PTPRG: variants seen among roughly 807,000 people sequenced by gnomAD.
PTPRG encodes protein tyrosine phosphatase receptor type G.
PTPRG carries 102 observed loss-of-function variants against 165.3 expected under a neutral mutation model. The observed-to-expected ratio is 0.62, with a 90% CI of 0.53 to 0.73. The LOEUF (loss-of-function observed/expected upper bound fraction) is 0.73. PTPRG is among the 30% of genes least tolerant of loss of function. PTPRG has a pLI of 0.00. For synonymous variants in PTPRG, 675 were observed against 669.5 expected (o/e 1.01, Z -0.13); for missense variants, 1,866 against 1,861.4 (o/e 1.00, Z -0.05).
At chr3:61,865,933 G>C (rs2037393937) in intron 2 of PTPRG, among the ~76,000 whole-genome samples, 1 of 152,174 alleles carries the variant, frequency 6.6e-6, no homozygotes, top group Non-Finnish European at 1.5e-5. Context: ...ATAGGCTGTT[G>C]CCACAAGTCT....
At chr3:62,003,312 C>G in intron 3 of PTPRG, 37 bp from the exon 4 acceptor site, 4 of 1,584,148 alleles carry the variant, frequency 2.5e-6, no homozygotes, top group South Asian at 1.2e-5. Flanking sequence ...TTTTGAAACT[C>G]ACTTTGTTTT....
chr3:61,665,469 T>TACACACACACACACACACACACAC (rs10662394), intron 1 of PTPRG, among the ~76,000 whole-genome samples: 1 of 143,922 alleles, frequency 6.9e-6, no homozygotes, highest in African/African-American at 2.6e-5. Context: ...TGTAAATAAA[T>TACACACACACACACACACACACAC]ACACACACAC....
rs114017935 is a variant in PTPRG at position 62,009,256 on chromosome 3, T to A, written c.519+5759T>A. Among the ~76,000 whole-genome samples the A allele has an allele frequency of 6.8e-3, 1,035 of 152,242 alleles. 19 individuals carry two copies. Among genetic ancestry groups the A allele is most frequent in the African/African-American group, 0.024 (990 of 41,530 alleles). On this transcript the variant is annotated intron_variant, in intron 4 of 29. Coordinates refer to ENST00000474889, the MANE Select transcript of PTPRG (RefSeq NM_002841.4). The stretch of plus-strand genomic sequence containing the variant: ...TAGTTACAACCATGACACAAGCAGG[T>A]TAAATCATGTGTCTCCCTGTGGGGT...
chr3:61,951,786 C>A (rs2039904854), intron 2 of PTPRG, among the ~76,000 whole-genome samples: 1 of 152,148 alleles, frequency 6.6e-6, no homozygotes, highest in South Asian at 2.1e-4. Context: ...GTGCTCTTTT[C>A]TGACTGGTAT....
chr3:61,836,567 A>G (rs1442336223), intron 2 of PTPRG, among the ~76,000 whole-genome samples: 2 of 152,202 alleles, frequency 1.3e-5, no homozygotes, highest in Non-Finnish European at 2.9e-5. Flanking sequence ...CCTCTCAGAC[A>G]TTATTGACAT....
At chr3:62,059,696 A>G (rs1043779074) in intron 4 of PTPRG, among the ~76,000 whole-genome samples, 1 of 152,032 alleles carries the variant, frequency 6.6e-6, no homozygotes, top group Non-Finnish European at 1.5e-5. Flanking sequence ...CCCCACCCAA[A>G]TCTCATCTTG....
At chr3:62,087,837 A>G (rs1701801347) in intron 5 of PTPRG, among the ~76,000 whole-genome samples, 1 of 152,176 alleles carries the variant, frequency 6.6e-6, no homozygotes, top group African/African-American at 2.4e-5. Context: ...CTGAAGAGGT[A>G]TTTTCTTGTA....
chr3:62,288,646 C>G lies in PTPRG; in HGVS notation c.4056-3775C>G, dbSNP rs970380310. Among the ~76,000 whole-genome samples the G allele has an allele frequency of 2.7e-5, 4 of 149,746 alleles. No individual in the cohort carries two copies. In the Admixed American group the frequency reaches 2.7e-4, roughly 10 times the overall value. On this transcript the variant is annotated intron_variant, in intron 28 of 29. Transcript: ENST00000474889. ...CAAGATTGCACCATTGCACTCCAGC[C>G]TGGGCGACAGGGTGATACTCCGTCA...
intron 5 of PTPRG, among the ~76,000 whole-genome samples, chr3:62,092,281 A>G (rs1701963515): frequency 6.6e-6 from 1 of 151,606 alleles, no homozygotes; most frequent in Non-Finnish European, 1.5e-5. Context: ...CTCTACTAAA[A>G]ATACAAAATT....
At chr3:61,627,847 T>C (rs1289776670) in intron 1 of PTPRG, among the ~76,000 whole-genome samples, 4 of 152,220 alleles carry the variant, frequency 2.6e-5, no homozygotes, top group Non-Finnish European at 5.9e-5. Context: ...AAATCTATTC[T>C]CTTGTGTCCT....
chr3:61,804,014 C>A (rs973070620), intron 2 of PTPRG, among the ~76,000 whole-genome samples: 4 of 152,162 alleles, frequency 2.6e-5, no homozygotes, highest in African/African-American at 9.7e-5. Flanking sequence ...AGACCACATT[C>A]ATTCATGGAG....
In PTPRG at chr3:61,843,219, A is replaced by G. The variant is rs187227536; in HGVS notation, c.190+94237A>G. On this transcript the variant is annotated intron_variant, in intron 2 of 29. Transcript: ENST00000474889. ...AGTTAATCTATAGCCCATCTGAAGC[A>G]AGAACCATCAGAAATAACTTGAAAA... Among the ~76,000 whole-genome samples, 6 of 152,370 alleles carry G rather than the reference A, an allele frequency of 3.9e-5. No homozygotes were observed. The East Asian group carries it at 1.2e-3, about 29-fold the overall frequency.
intron 2 of PTPRG, among the ~76,000 whole-genome samples, chr3:61,843,644 C>T (rs879454977): frequency 1.3e-5 from 2 of 152,070 alleles, no homozygotes; most frequent in Non-Finnish European, 2.9e-5. Flanking sequence ...AGGCAATTTT[C>T]TTCTCTTTTT....
intron 4 of PTPRG, among the ~76,000 whole-genome samples, chr3:62,056,222 G>C (rs1575945306): frequency 6.6e-6 from 1 of 152,300 alleles, no homozygotes; most frequent in African/African-American, 2.4e-5. Flanking sequence ...TAGTCCAGTT[G>C]TCATGGAATT....
At chr3:61,726,784 A>T (rs2032275327) in intron 1 of PTPRG, among the ~76,000 whole-genome samples, 1 of 152,170 alleles carries the variant, frequency 6.6e-6, no homozygotes, top group African/African-American at 2.4e-5. Context: ...GCGGTGGCTC[A>T]CGCCTGTAAT....
chr3:62,198,860 A>C (rs922237463), intron 10 of PTPRG, among the ~76,000 whole-genome samples: 2 of 152,236 alleles, frequency 1.3e-5, no homozygotes, highest in African/African-American at 4.8e-5. Context: ...GGTTGCCTAC[A>C]TGCATAGTGG....
Position 62,277,030 on chromosome 3 carries a change from T to G in PTPRG, c.3618T>G (p.Ile1206Met), listed in dbSNP as rs773535242. 4 of 1,612,526 alleles carry G rather than the reference T, an allele frequency of 2.5e-6. No individual in the cohort carries two copies. In the Admixed American group the frequency reaches 6.7e-5, roughly 27 times the overall value. ...PLPGMKGTDY[I>M]NASYIMGYYR... ...CTGGAATGAAAGGAACAGATTACAT[T>G]AATGCTTCTTATATCATGGTGAGAG... The change falls in exon 25 of 30, where the codon ATT becomes ATG. Residue 1206 changes from isoleucine (I) to methionine (M), a missense_variant. Transcript: ENST00000474889.
chr3:61,855,607 G>T (rs970032030), intron 2 of PTPRG, among the ~76,000 whole-genome samples: 1 of 144,134 alleles, frequency 6.9e-6, no homozygotes, highest in Admixed American at 6.9e-5. Context: ...TTATAGTCTT[G>T]TAATGTTTTA....
At chr3:62,174,084 C>G (rs79719128) in intron 8 of PTPRG, among the ~76,000 whole-genome samples, 2,805 of 152,284 alleles carry the variant, frequency 0.018, 43 homozygotes, top group Non-Finnish European at 0.028. Flanking sequence ...ATAACTTAGA[C>G]AGACTTTAGG....
Sources: allele counts gnomAD v4.1 joint callset (sites outside exome capture counted in the v4.1 genomes callset), GRCh38; gene constraint gnomAD v4.1.1; transcripts MANE v1.5; gene names NCBI Gene and HGNC (gene_info 2026-07-23, HGNC 2026-07-21).